MED22: variants seen among roughly 807,000 people sequenced by gnomAD.
MED22 encodes the protein mediator complex subunit 22, also known as mediator of RNA polymerase II transcription subunit 22.
Under a neutral mutation model 22.7 loss-of-function variants are expected in MED22, and 22 were observed. The observed-to-expected ratio is 0.97, with a 90% CI of 0.69 to 1.38. The LOEUF (loss-of-function observed/expected upper bound fraction) is 1.38. MED22 is among the 40% of genes most tolerant of loss of function. The pLI is 0.00. For synonymous variants in MED22, 134 were observed against 119.4 expected, an observed-to-expected ratio of 1.12 and a Z score of -0.80; for missense variants, 247 against 263.0, an observed-to-expected ratio of 0.94 and a Z score of 0.42.
rs188993591 is a variant in MED22 at position 133,341,308 on chromosome 9, T to C, written c.*197A>G. The C allele has an allele frequency of 2.7e-5, 13 of 490,510 alleles. No individual in the cohort carries two copies. The highest frequency in any genetic ancestry group is 2.6e-4 in the Admixed American group (6 of 22,846). 30.4% of individuals were successfully genotyped at this position (490,510 alleles called of 1,614,324 possible). ...CTCGGAATGATGGGCTATTCGGAAA[T>C]GGCTAGGGAAACAACTGTTTCCCTA... On this transcript the variant is annotated 3_prime_UTR_variant, in exon 5 of 5. Coordinates refer to ENST00000343730, the MANE Select transcript of MED22 (RefSeq NM_133640.5).
chr9:133,339,654 C>G lies in MED22; in HGVS notation c.*1851G>C. ...CAGAGAGGCAAACTGACAAGTACTT[C>G]CATGAGTTCCACTGCCCTCAAAATA... On this transcript the variant is annotated 3_prime_UTR_variant, in exon 5 of 5. Coordinates refer to ENST00000343730, the MANE Select transcript of MED22 (RefSeq NM_133640.5). The G allele has an allele frequency of 2.8e-6, 1 of 360,552 alleles. No individual in the cohort carries two copies. The highest frequency in any genetic ancestry group is 5.2e-6 in the Non-Finnish European group (1 of 193,786). 22.3% of individuals were successfully genotyped at this position (360,552 alleles called of 1,614,324 possible). A position where few individuals can be genotyped will look rare whatever the true frequency, so the allele number is the denominator to read the frequency against.
Position 133,345,195 on chromosome 9 carries a change from T to G in MED22, c.181A>C (p.Met61Leu), listed in dbSNP as rs2129964230. The change falls in exon 3 of 5, where the codon ATG (methionine) becomes CTG (leucine). Residue 61 changes from methionine to leucine, a missense_variant. By Grantham distance (15) the Met-to-Leu change is conservative (BLOSUM62 2). Transcript: ENST00000343730. ...ATQGEQDNYEMHVRAANIVRA... is the reference protein window; with the variant it reads ...ATQGEQDNYELHVRAANIVRA... ...ACGATGTTGGCGGCTCGCACATGCA[T>G]CTCGTAATTGTCCTGTTCACCCTGA... is the stretch of plus-strand genomic sequence containing the variant. 1.9e-6 allele frequency: 3 copies of G among 1,613,932 alleles called. No homozygotes were observed. In the Admixed American group the frequency reaches 5.0e-5, roughly 27 times the overall value.
At chr9:133,346,206 C>G (rs185698140) in intron 2 of MED22, among the ~76,000 whole-genome samples, 72 of 152,276 alleles carry the variant, frequency 4.7e-4, no homozygotes, top group African/African-American at 9.9e-4. Flanking sequence ...AGGCCCCCCC[C>G]CACTTCTCCC....
At chr9:133,345,025 C>T in intron 3 of MED22, 147 bp downstream of exon 3, 1 of 722,718 alleles carries the variant, frequency 1.4e-6, no homozygotes, top group Non-Finnish European at 2.3e-6. Context: ...GTGGTGAAAC[C>T]AAAGCATCTC....
At chr9:133,345,313 G>C in intron 2 of MED22, 61 bp from the exon 3 acceptor site, 1 of 1,525,816 alleles carries the variant, frequency 6.6e-7, no homozygotes, top group Non-Finnish European at 9.0e-7. Flanking sequence ...CCCCTGGCCC[G>C]GCCCAGCCCA....
chr9:133,343,429 G>T, intron 4 of MED22: 2 of 1,224,406 alleles, frequency 1.6e-6, no homozygotes, highest in Non-Finnish European at 1.0e-6. Flanking sequence ...AGCTCAAACG[G>T]TCGAAGGTTT....
rs2129948505 is a variant in MED22, at chr9:133,341,490, C to A, written c.*15G>T. 6.8e-7 allele frequency: 1 copy of A among 1,477,780 alleles called. No homozygotes were observed. The highest frequency in any genetic ancestry group is 1.5e-5 in the South Asian group (1 of 68,830). The allele number at this position is 1,477,780 out of a possible 1,614,324, so 91.5% of individuals were successfully genotyped here. ...TCAGGTTTTGTTCCTGAGAACGAAG[C>A]GTGGCCCCGGAGGCTCAGGCGTGCT... On this transcript the variant is annotated 3_prime_UTR_variant, in exon 5 of 5. Transcript: ENST00000343730.
At chr9:133,347,879 A>ACCCACCCCCCCTCCATC (rs1299119002) in intron 1 of MED22, 43 bp downstream of exon 1, 4 of 23,536 alleles carry the variant, frequency 1.7e-4, no homozygotes, top group Non-Finnish European at 2.7e-4. Context: ...CCGCCCACAC[A>ACCCACCCCCCCTCCATC]CCCACCCCCC....
chr9:133,346,679 G>C lies in MED22; in HGVS notation c.-17C>G, dbSNP rs1425511709. 1 of 1,609,314 alleles carries C rather than the reference G, an allele frequency of 6.2e-7. No homozygotes were observed. Among genetic ancestry groups the C allele is most frequent in the African/African-American group, 1.3e-5 (1 of 74,932 alleles). On this transcript the variant is annotated 5_prime_UTR_variant, in exon 2 of 5. Transcript: ENST00000343730. The stretch of plus-strand genomic sequence containing the variant: ...CTGGGCCATGGCCGAGCCTCAAGCA[G>C]CGCAGCGGGGAGACCTGGGACCTAG...
Position 133,348,113 on chromosome 9 carries a change from T to G in MED22, c.-230A>C. ...CCGCAGCCTCTCGGCCCCGCCTCGA[T>G]TTTTAGCTTTATAGGAATGCTGTTG... On this transcript the variant is annotated 5_prime_UTR_variant, in exon 1 of 5. Coordinates refer to ENST00000343730, the MANE Select transcript of MED22 (RefSeq NM_133640.5). 2 of 1,367,084 alleles carry G rather than the reference T, an allele frequency of 1.5e-6. No individual in the cohort carries two copies. The highest frequency in any genetic ancestry group is 2.1e-6 in the Non-Finnish European group (2 of 960,880). 84.7% of individuals were successfully genotyped at this position (1,367,084 alleles called of 1,614,324 possible).
chr9:133,343,269 G>A, intron 4 of MED22: 2 of 1,220,694 alleles, frequency 1.6e-6, no homozygotes, highest in Non-Finnish European at 2.0e-6. Context: ...TTGTCCAGGA[G>A]AAGGCACAAG....
chr9:133,343,554 T>C (rs2129957153), intron 4 of MED22: 1 of 1,241,642 alleles, frequency 8.1e-7, no homozygotes, highest in South Asian at 3.9e-5. Context: ...TGGATAAGGC[T>C]GAGTGGGTCA....
At chr9:133,342,636 T>C (rs1836041688) in intron 4 of MED22, 1 of 985,866 alleles carries the variant, frequency 1.0e-6, no homozygotes, top group Admixed American at 6.2e-5. Context: ...CCTGGTCGCT[T>C]AAAGGCAATG....
rs2129964631 is a variant in MED22 at position 133,345,276 on chromosome 9, G to C, written c.124-24C>G. 6.9e-4 allele frequency: 1,114 copies of C among 1,612,280 alleles called. 3 individuals carry two copies. The highest frequency in any genetic ancestry group is 5.1e-3 in the Middle Eastern group (31 of 6,060). ...ATCTGGGGGAAAACAAGAAAACCTA[G>C]AAATCAACCCAGCCAAGGCATCCCC... On this transcript the variant is annotated intron_variant, in intron 2 of 4. Coordinates refer to ENST00000343730, the MANE Select transcript of MED22 (RefSeq NM_133640.5).
At chr9:133,346,039 G>A (rs2129967006) in intron 2 of MED22, among the ~76,000 whole-genome samples, 7 of 152,224 alleles carry the variant, frequency 4.6e-5, no homozygotes, top group Non-Finnish European at 1.0e-4. Context: ...TACATGGCAA[G>A]CACTAAGTAC....
rs1390888986 is a variant in MED22, at chr9:133,338,659, C to T, written c.*2846G>A. The T allele has an allele frequency of 7.7e-6, 2 of 258,698 alleles. No homozygotes were observed. Among genetic ancestry groups the T allele is most frequent in the African/African-American group, 4.5e-5 (2 of 44,828 alleles). The allele number at this position is 258,698 out of a possible 1,614,324, so 16.0% of individuals were successfully genotyped here. On this transcript the variant is annotated 3_prime_UTR_variant, in exon 5 of 5. Transcript: ENST00000343730. ...GTTTCTCCATGTTGGTCAGGCTGGT[C>T]TGGAAATCCCGACCTCAGGTGATCC... is the stretch of plus-strand genomic sequence containing the variant.
Position 133,341,577 on chromosome 9 carries a change from A to T in MED22, c.531T>A (p.Ser177Arg). The change falls in exon 5 of 5, where the codon AGT (serine) becomes AGA (arginine). Residue 177 changes from serine (S) to arginine (R), a missense_variant. Ser to Arg is a moderately radical substitution (Grantham distance 110, BLOSUM62 -1). Coordinates refer to ENST00000343730, the MANE Select transcript of MED22 (RefSeq NM_133640.5). ...SAPLLASPEP[S>R]AGPLQVAAPA... Reference sequence around the variant, plus strand: ...GGGCTGCCACCTGTAGGGGGCCAGCACTGGGCTCCGGGGACGCCAGCAGAG... The same window carrying T: ...GGGCTGCCACCTGTAGGGGGCCAGCTCTGGGCTCCGGGGACGCCAGCAGAG... 6.3e-7 allele frequency: 1 copy of T among 1,579,074 alleles called. No homozygotes were observed. The highest frequency in any genetic ancestry group is 8.6e-7 in the Non-Finnish European group (1 of 1,167,082).
rs2129959045 is a variant in MED22 at position 133,344,073 on chromosome 9, G to A, written c.413+52C>T. On this transcript the variant is annotated intron_variant, in intron 4 of 4. Coordinates refer to ENST00000343730, the MANE Select transcript of MED22 (RefSeq NM_133640.5). ...GAAGGCAGCCCTGCCTGCTGGCCAG[G>A]CCCAGGTAGGCAGGCTCCCGCTCTG... is the stretch of plus-strand genomic sequence containing the variant. 9 of 1,604,520 alleles carry A rather than the reference G, an allele frequency of 5.6e-6. No homozygotes were observed. The Middle Eastern group carries it at 5.1e-4, about 91-fold the overall frequency.
intron 2 of MED22, 125 bp from the exon 3 acceptor site, chr9:133,345,377 G>A (rs1297653119): frequency 2.2e-6 from 2 of 904,596 alleles, no homozygotes; most frequent in Non-Finnish European, 3.5e-6. Context: ...CAACCTGTCT[G>A]TGGTGCCATC....
Sources: allele counts gnomAD v4.1 joint callset (sites outside exome capture counted in the v4.1 genomes callset), GRCh38; gene constraint gnomAD v4.1.1; transcripts MANE v1.5; gene names NCBI Gene and HGNC (gene_info 2026-07-23, HGNC 2026-07-21).